The following DSC3 variants were observed in gnomAD, a reference collection of about 807,000 sequenced individuals.
DSC3 encodes desmocollin-3.
DSC3 carries 97 observed loss-of-function variants against 89.5 expected under a neutral mutation model. The observed-to-expected ratio is 1.08, with a 90% CI of 0.92 to 1.28. DSC3 has a LOEUF of 1.28. Ranked by LOEUF, DSC3 falls within the 50% of genes most tolerant of loss-of-function variation. The pLI is 0.00. For missense variants in DSC3, 1,199 were observed against 1,085.3 expected, an observed-to-expected ratio of 1.10 and a Z score of -1.47; for synonymous variants, 436 against 384.1, an observed-to-expected ratio of 1.14 and a Z score of -1.58.
intron 1 of DSC3, 124 bp downstream of exon 1, chr18:31,042,468 C>A (rs1225151580): frequency 2.2e-5 from 22 of 989,044 alleles, no homozygotes; most frequent in Non-Finnish European, 3.3e-5. Flanking sequence ...GCTACCAGAC[C>A]CGCAGCATTG....
chr18:31,012,827 A>G (rs1985115161), intron 9 of DSC3, among the ~76,000 whole-genome samples: 1 of 152,160 alleles, frequency 6.6e-6, no homozygotes, highest in Admixed American at 6.5e-5. Context: ...ATGGATGTAA[A>G]TCCTAGACAG....
chr18:31,018,622 G>A, intron 8 of DSC3, 44 bp downstream of exon 8: 1 of 1,586,110 alleles, frequency 6.3e-7, no homozygotes, highest in South Asian at 1.1e-5. Flanking sequence ...AATAAAAAAT[G>A]ATAGCAGATA....
chr18:31,005,538 C>T (rs1984809089), intron 12 of DSC3, among the ~76,000 whole-genome samples: 1 of 152,200 alleles, frequency 6.6e-6, no homozygotes, highest in Admixed American at 6.5e-5. Context: ...CTTCCTTCCA[C>T]CCAACCTCTT....
chr18:30,996,048 A>C (rs1375609627), intron 15 of DSC3, among the ~76,000 whole-genome samples: 2 of 150,192 alleles, frequency 1.3e-5, no homozygotes, highest in Non-Finnish European at 3.0e-5. Flanking sequence ...TGGTATGAAC[A>C]GAGAATTCCT....
intron 9 of DSC3, among the ~76,000 whole-genome samples, 189 bp from the exon 10 acceptor site, chr18:31,008,714 A>G (rs16961061): frequency 6.6e-6 from 1 of 152,198 alleles, no homozygotes; most frequent in Non-Finnish European, 1.5e-5. Flanking sequence ...GAATGGTCCA[A>G]CAACTTCTGC....
chr18:31,012,088 G>A (rs1365983254), intron 9 of DSC3, among the ~76,000 whole-genome samples: 1 of 151,486 alleles, frequency 6.6e-6, no homozygotes, highest in Non-Finnish European at 1.5e-5. Context: ...GGAGCCCTGT[G>A]ATAATAATTC....
rs193093040 is a variant in DSC3 at position 31,016,530 on chromosome 18, C to T, written c.1263+1541G>A. Among the ~76,000 whole-genome samples the T allele has an allele frequency of 6.6e-5, 10 of 152,298 alleles. No individual in the cohort carries two copies. In the East Asian group the frequency reaches 1.2e-3, roughly 18 times the overall value. ...AGCCTTGGAAACTGTATGAGATATA[C>T]GGTAGCCCTTTTCAGAACAATTATA... On this transcript the variant is annotated intron_variant, in intron 9 of 15. Coordinates refer to ENST00000360428, the MANE Select transcript of DSC3 (RefSeq NM_001941.5).
At chr18:31,032,414 A>G in intron 1 of DSC3, 138 bp from the exon 2 acceptor site, 1 of 697,146 alleles carries the variant, frequency 1.4e-6, no homozygotes, top group South Asian at 1.7e-5. Context: ...AGGAATAGAA[A>G]GGAATTTGCT....
intron 1 of DSC3, among the ~76,000 whole-genome samples, chr18:31,038,570 C>T (rs1986039719): frequency 6.6e-6 from 1 of 151,914 alleles, no homozygotes. Context: ...TTATGTATGC[C>T]TTTTCTATTT....
intron 14 of DSC3, among the ~76,000 whole-genome samples, chr18:31,001,089 G>GTATATATATATATA (rs67608580): frequency 7.9e-6 from 1 of 126,030 alleles, no homozygotes; most frequent in South Asian, 2.7e-4. Context: ...TTGTGTGTGT[G>GTATATATATATATA]TATATATATA....
At chr18:31,026,039 CAAT>C in intron 4 of DSC3, 124 bp from the exon 5 acceptor site, 1 of 977,354 alleles carries the variant, frequency 1.0e-6, no homozygotes, top group South Asian at 1.7e-5. Flanking sequence ...TAGAAAAGAA[CAAT>C]AATAACCATT....
chr18:31,038,156 A>T (rs1001096594), intron 1 of DSC3, among the ~76,000 whole-genome samples: 17 of 152,190 alleles, frequency 1.1e-4, no homozygotes, highest in African/African-American at 3.9e-4. Flanking sequence ...CTCATTTCAC[A>T]TATTTGTCTG....
In DSC3 at chr18:30,996,990, C is replaced by A; in HGVS notation, c.2294G>T (p.Gly765Val). 1 of 1,614,120 alleles carries A rather than the reference C, an allele frequency of 6.2e-7. No individual in the cohort carries two copies. Among genetic ancestry groups the A allele is most frequent in the Non-Finnish European group, 8.5e-7 (1 of 1,180,030 alleles). ...TTNNSSQGFC[G>V]TMGSGMKNGG... ...ATTTTTCATTCCTGATCCCATAGTA[C>A]CACAAAAACCTTGGCTAGAGTTGTT... The change falls in exon 15 of 16, where the codon GGT becomes GTT. Residue 765 changes from glycine to valine, a missense_variant. Coordinates refer to ENST00000360428, the MANE Select transcript of DSC3 (RefSeq NM_001941.5).
intron 7 of DSC3, among the ~76,000 whole-genome samples, chr18:31,020,950 A>G (rs1985398183): frequency 6.6e-6 from 1 of 152,134 alleles, no homozygotes; most frequent in African/African-American, 2.4e-5. Context: ...TCAAAAAAAG[A>G]AAAAAATACA....
rs762940104 is a variant in DSC3, at chr18:30,994,189, A to T, written c.2677T>A (p.Cys893Ser). ...EPKFITLAEA[C>S]TKR Reference sequence around the variant, plus strand: ...GCACTGTGACATTATCTCTTTGTGCATGCTTCTGCTAATGTAATAAATTTG... The same window carrying T: ...GCACTGTGACATTATCTCTTTGTGCTTGCTTCTGCTAATGTAATAAATTTG... Residue 893 changes from cysteine (C) to serine (S), a missense_variant, in exon 16 of 16, where the codon TGC becomes AGC. Physicochemically the swap from Cys to Ser is moderately radical, Grantham distance 112 (BLOSUM62 -1). Transcript: ENST00000360428. 10 of 1,613,944 alleles carry T rather than the reference A, an allele frequency of 6.2e-6. No homozygotes were observed.
At chr18:30,996,197 A>C (rs1057371310) in intron 15 of DSC3, among the ~76,000 whole-genome samples, 2 of 152,060 alleles carry the variant, frequency 1.3e-5, no homozygotes, top group African/African-American at 4.8e-5. Context: ...ATATTTCAAA[A>C]TTGCAAAGAA....
Position 31,006,907 on chromosome 18 carries a change from C to A in DSC3, c.1888G>T (p.Asp630Tyr). 6.2e-7 allele frequency: 1 copy of A among 1,600,234 alleles called. No homozygotes were observed. Among genetic ancestry groups the A allele is most frequent in the South Asian group, 1.1e-5 (1 of 90,672 alleles). ...TAAATCATTATTTTTTATTAAATACCATTAACTTTGGTGAGGCTCCACAGT... is the reference window on the plus strand; with the variant it reads ...TAAATCATTATTTTTTATTAAATACAATTAACTTTGGTGAGGCTCCACAGT... The part of the protein sequence containing the change: ...SRLWSLTKVN[D>Y]TAARLSYQKN... Residue 630 changes from aspartate to tyrosine, a missense_variant and splice_region_variant, in exon 12 of 16, where the codon GAT becomes TAT. Coordinates refer to ENST00000360428, the MANE Select transcript of DSC3 (RefSeq NM_001941.5).
At chr18:31,016,630 A>C (rs1469217627) in intron 9 of DSC3, among the ~76,000 whole-genome samples, 1 of 152,122 alleles carries the variant, frequency 6.6e-6, no homozygotes, top group Non-Finnish European at 1.5e-5. Flanking sequence ...GGCTCTTCAG[A>C]TTCAGGGTTC....
chr18:31,006,802 T>A, intron 12 of DSC3, 105 bp downstream of exon 12: 1 of 890,592 alleles, frequency 1.1e-6, no homozygotes, highest in Non-Finnish European at 1.8e-6. Context: ...AATATATTAA[T>A]GAGACTCAGT....
Sources: gnomAD v4.1 joint callset for allele counts (sites outside exome capture counted in the v4.1 genomes callset) on GRCh38, gnomAD v4.1.1 for gene constraint, MANE v1.5 for transcripts, NCBI Gene and HGNC (gene_info 2026-07-23, HGNC 2026-07-21) for gene names.